The following CYP26A1 variants were observed in gnomAD, a reference collection of about 807,000 sequenced individuals.
The protein encoded by CYP26A1 is cytochrome P450 family 26 subfamily A member 1, also known as cytochrome P450 26A1.
A neutral mutation model predicts 47.4 loss-of-function variants in CYP26A1; 46 were observed. The ratio of observed to expected loss-of-function variants is 0.97; its 90% CI spans 0.77 to 1.24. The LOEUF is 1.24. Ranked by LOEUF, CYP26A1 falls within the 50% of genes most tolerant of loss-of-function variation. The pLI, the probability that CYP26A1 is intolerant of heterozygous loss-of-function variation, is 0.00. For missense variants in CYP26A1, 680 were observed against 644.4 expected, an observed-to-expected ratio of 1.06 and a Z score of -0.60; for synonymous variants, 277 against 263.7, an observed-to-expected ratio of 1.05 and a Z score of -0.49.
chr10:93,077,017 G>A lies in CYP26A1; in HGVS notation c.1207G>A (p.Asp403Asn). The change falls in exon 7 of 7, where the codon GAT (aspartate) becomes AAT (asparagine). Residue 403 changes from aspartate to asparagine, a missense_variant. Coordinates refer to ENST00000224356, the MANE Select transcript of CYP26A1 (RefSeq NM_000783.4). ...TATCTACAGTATCTGTGATACTCAT[G>A]ATGTGGCAGAGATCTTCACCAACAA... ...NVIYSICDTH[D>N]VAEIFTNKEE... is the part of the protein sequence containing the mutation. 6.2e-7 allele frequency: 1 copy of A among 1,613,852 alleles called. No individual in the cohort carries two copies. The highest frequency in any genetic ancestry group is 8.5e-7 in the Non-Finnish European group (1 of 1,179,742).
At chr10:93,073,676 C>A, upstream of CYP26A1, 1 of 520,750 alleles carries the variant, frequency 1.9e-6, no homozygotes, top group South Asian at 2.4e-5. Flanking sequence ...AGCCCCGCAC[C>A]CCAGGAGGCG....
chr10:93,076,661 G>C lies in CYP26A1; in HGVS notation c.1117G>C (p.Gly373Arg). The C allele has an allele frequency of 1.2e-6, 2 of 1,611,528 alleles. No individual in the cohort carries two copies. Among genetic ancestry groups the C allele is most frequent in the Non-Finnish European group, 1.7e-6 (2 of 1,178,108 alleles). Residue 373 changes from glycine (G) to arginine (R), a missense_variant, in exon 6 of 7, where the codon GGG (glycine) becomes CGG (arginine). Gly to Arg is a moderately radical substitution (Grantham distance 125, BLOSUM62 -2). Coordinates refer to ENST00000224356, the MANE Select transcript of CYP26A1 (RefSeq NM_000783.4). Reference protein sequence around the residue: ...TLRLNPPVPGGFRVALKTFEL... With the variant: ...TLRLNPPVPGRFRVALKTFEL... ...TCGACTGAATCCCCCAGTTCCAGGA[G>C]GGTTTCGGGTTGCTCTGAAGACTTT...
At chr10:93,073,644 A>G (rs1271644490), upstream of CYP26A1, 4 of 453,378 alleles carry the variant, frequency 8.8e-6, no homozygotes, top group African/African-American at 8.4e-5. Context: ...CACACCTTGG[A>G]TGGGGGAGGC....
At position 93,074,193 on chromosome 10, in the gene CYP26A1, C is replaced by CG; in HGVS notation, c.189+74dup. On this transcript the variant is annotated intron_variant, in intron 1 of 6. Transcript: ENST00000224356. This position sits in a 1 kb window ranked among gnomAD's most constrained non-coding sequence, Gnocchi z 5.3. ...CGCGGCTCTGGGCTTCTGCTGAAGTCGGGGTAGGCGCCCCCGGGAGGCATG... is the reference window on the plus strand; with the variant it reads ...CGCGGCTCTGGGCTTCTGCTGAAGTCGGGGGTAGGCGCCCCCGGGAGGCATG... 6.6e-7 allele frequency: 1 copy of CG among 1,514,820 alleles called. No individual in the cohort carries two copies. 93.8% of individuals were successfully genotyped at this position (1,514,820 alleles called of 1,614,324 possible).
chr10:93,074,027 C>A lies in CYP26A1; in HGVS notation c.93C>A (p.Tyr31Ter). ...FLAAIKLWDL[Y>*]CVSGRDRSCA... is the part of the protein sequence containing the mutation. ...CTGCGATCAAGCTCTGGGACCTGTACTGCGTGAGCGGCCGCGACCGCAGTT... is the reference window on the plus strand; with the variant it reads ...CTGCGATCAAGCTCTGGGACCTGTAATGCGTGAGCGGCCGCGACCGCAGTT... The change falls in exon 1 of 7, where the codon TAC (tyrosine) becomes TAA (stop). Residue 31 changes from tyrosine to a stop codon, truncating the protein, a stop_gained. Coordinates refer to ENST00000224356, the MANE Select transcript of CYP26A1 (RefSeq NM_000783.4). LOFTEE classifies it high-confidence loss of function. This position sits in a 1 kb window ranked among gnomAD's most constrained non-coding sequence, Gnocchi z 5.3. The A allele has an allele frequency of 6.2e-7, 1 of 1,606,552 alleles. No homozygotes were observed. The highest frequency in any genetic ancestry group is 8.5e-7 in the Non-Finnish European group (1 of 1,174,442).
upstream of CYP26A1, chr10:93,073,853 T>A: frequency 3.2e-6 from 2 of 626,254 alleles, no homozygotes; most frequent in Non-Finnish European, 5.6e-6. Context: ...GGCAGCAACC[T>A]GGGCCGCCTA....
rs2229104 is a variant in CYP26A1 at position 93,077,124 on chromosome 10, C to G, written c.1314C>G (p.Gly438=). ...SRFSFIPFGG[G]LRSCVGKEFA... is the part of the protein sequence containing the mutation. Reference sequence around the variant, plus strand: ...TCAGCTTCATTCCATTTGGAGGAGGCCTTAGGAGCTGTGTAGGCAAAGAAT... The same window carrying G: ...TCAGCTTCATTCCATTTGGAGGAGGGCTTAGGAGCTGTGTAGGCAAAGAAT... The change falls in exon 7 of 7, where the codon GGC becomes GGG. Residue 438 remains glycine (G), a synonymous_variant. Transcript: ENST00000224356. The G allele has an allele frequency of 1.3e-3, 2,130 of 1,614,154 alleles. 34 individuals are homozygous for G. The South Asian group carries it at 0.021, about 16-fold the overall frequency.
Position 93,074,228 on chromosome 10 carries a change from C to A in CYP26A1, c.190-80C>A. ...GCCCCCGGGAGGCATGCTATTGCGGCTAGGAGCAGGGCTGGCGGGAGCGCG... is the reference window on the plus strand; with the variant it reads ...GCCCCCGGGAGGCATGCTATTGCGGATAGGAGCAGGGCTGGCGGGAGCGCG... On this transcript the variant is annotated intron_variant, in intron 1 of 6. Coordinates refer to ENST00000224356, the MANE Select transcript of CYP26A1 (RefSeq NM_000783.4). This position sits in a 1 kb window ranked among gnomAD's most constrained non-coding sequence, Gnocchi z 5.3. 2 of 1,527,660 alleles carry A rather than the reference C, an allele frequency of 1.3e-6. No individual in the cohort carries two copies. The highest frequency in any genetic ancestry group is 1.8e-6 in the Non-Finnish European group (2 of 1,123,662). 94.6% of individuals were successfully genotyped at this position (1,527,660 alleles called of 1,614,324 possible).
chr10:93,076,544 G>C lies in CYP26A1; in HGVS notation c.1000G>C (p.Gly334Arg). 1 of 1,602,772 alleles carries C rather than the reference G, an allele frequency of 6.2e-7. No individual in the cohort carries two copies. Among genetic ancestry groups the C allele is most frequent in the Non-Finnish European group, 8.5e-7 (1 of 1,172,064 alleles). Residue 334 changes from glycine to arginine, a missense_variant and splice_region_variant, in exon 6 of 7, where the codon GGT becomes CGT. Physicochemically the swap from Gly to Arg is moderately radical, Grantham distance 125 (BLOSUM62 -2). Coordinates refer to ENST00000224356, the MANE Select transcript of CYP26A1 (RefSeq NM_000783.4). ...CACCTCTGTATGACTGTTTTGATAG[G>C]GTTTACTTTGCAAGAGCAATCAAGA... ...QKVREELKSK[G>R]LLCKSNQDNK...
rs756806536 is a variant in CYP26A1 at position 93,073,976 on chromosome 10, C to T, written c.42C>T (p.Phe14=). 67 of 1,454,544 alleles carry T rather than the reference C, an allele frequency of 4.6e-5. No individual in the cohort carries two copies. The highest frequency in any genetic ancestry group is 6.2e-5 in the Non-Finnish European group (64 of 1,037,866). The allele number at this position is 1,454,544 out of a possible 1,614,324, so 90.1% of individuals were successfully genotyped here. A position where few individuals can be genotyped will look rare whatever the true frequency, so the allele number is the denominator to read the frequency against. Residue 14 remains phenylalanine (F), a synonymous_variant, in exon 1 of 7, where the codon TTC becomes TTT. Coordinates refer to ENST00000224356, the MANE Select transcript of CYP26A1 (RefSeq NM_000783.4). The part of the protein sequence containing the change: ...PALLASALCT[F]VLPLLLFLAA... ...TGCTGGCCAGTGCGCTCTGCACCTT[C>T]GTGCTGCCGCTGCTGCTCTTCCTGG... is the stretch of plus-strand genomic sequence containing the variant.
intron 5 of CYP26A1, 34 bp downstream of exon 5, chr10:93,075,994 G>A (rs773819065): frequency 1.3e-6 from 2 of 1,582,300 alleles, no homozygotes; most frequent in Non-Finnish European, 1.7e-6. Context: ...GTCCTTATTA[G>A]CTTAGGAAAT....
chr10:93,074,973 C>T lies in CYP26A1; in HGVS notation c.609C>T (p.Asp203=). The T allele has an allele frequency of 6.2e-7, 1 of 1,613,134 alleles. No homozygotes were observed. Among genetic ancestry groups the T allele is most frequent in the Non-Finnish European group, 8.5e-7 (1 of 1,180,018 alleles). Residue 203 remains aspartate, a synonymous_variant, in exon 3 of 7, where the codon GAC becomes GAT. Transcript: ENST00000224356. This position sits in a 1 kb window ranked among gnomAD's most constrained non-coding sequence, Gnocchi z 5.3. The part of the protein sequence containing the change: ...LLGCEPQLAG[D]GDSEQQLVEA... ...GCTGCGAACCCCAACTGGCGGGCGA[C>T]GGGGACTCCGAGCAGCAGCTTGTGG...
At chr10:93,075,739 C>G (rs1451370555) in intron 4 of CYP26A1, 87 bp from the exon 5 acceptor site, 1 of 1,030,308 alleles carries the variant, frequency 9.7e-7, no homozygotes, top group Non-Finnish European at 1.5e-6. Flanking sequence ...CTAGTCTTCC[C>G]TCCAGAACTC....
Position 93,076,678 on chromosome 10 carries a change from G to A in CYP26A1, c.1134G>A (p.Leu378=), listed in dbSNP as rs35768328. 6.2e-7 allele frequency: 1 copy of A among 1,604,340 alleles called. No homozygotes were observed. ...TTCCAGGAGGGTTTCGGGTTGCTCTGAAGACTTTTGAATTAAATGTAAGTT... is the reference window on the plus strand; with the variant it reads ...TTCCAGGAGGGTTTCGGGTTGCTCTAAAGACTTTTGAATTAAATGTAAGTT... ...PPVPGGFRVA[L]KTFELNGYQI... The change falls in exon 6 of 7, where the codon CTG becomes CTA. Residue 378 remains leucine (L), a synonymous_variant. Transcript: ENST00000224356.
chr10:93,073,841 T>C, upstream of CYP26A1: 1 of 611,270 alleles, frequency 1.6e-6, no homozygotes, highest in South Asian at 1.9e-5. Flanking sequence ...CAAGGTAACG[T>C]GGGCAGCAAC....
chr10:93,074,621 G>C lies in CYP26A1; in HGVS notation c.414+89G>C, dbSNP rs1835192190. On this transcript the variant is annotated intron_variant, in intron 2 of 6. Transcript: ENST00000224356. The surrounding 1 kb of genome is among the most constrained non-coding windows in gnomAD (Gnocchi z 5.3). ...GATGGATGCTAGGCGCGGGCTAGCA[G>C]CTTGAGGTGGGCTAGGACCCTCTGC... The C allele has an allele frequency of 9.2e-7, 1 of 1,086,946 alleles. No individual in the cohort carries two copies. Among genetic ancestry groups the C allele is most frequent in the Admixed American group, 1.7e-5 (1 of 58,316 alleles). 67.3% of individuals were successfully genotyped at this position (1,086,946 alleles called of 1,614,324 possible).
chr10:93,074,811 C>G lies in CYP26A1; in HGVS notation c.447C>G (p.Leu149=), dbSNP rs35355587. The part of the protein sequence containing the change: ...VIMRAFSREA[L]ECYVPVITEE... ...TGCGGGCCTTCAGCCGCGAGGCACTCGAATGCTACGTGCCGGTGATCACCG... is the reference window on the plus strand; with the variant it reads ...TGCGGGCCTTCAGCCGCGAGGCACTGGAATGCTACGTGCCGGTGATCACCG... The change falls in exon 3 of 7, where the codon CTC becomes CTG. Residue 149 remains leucine (L), a synonymous_variant. Coordinates refer to ENST00000224356, the MANE Select transcript of CYP26A1 (RefSeq NM_000783.4). The surrounding 1 kb of genome is among the most constrained non-coding windows in gnomAD (Gnocchi z 5.3). 5.7e-3 allele frequency: 9,150 copies of G among 1,608,754 alleles called. 40 individuals are homozygous for G. Among genetic ancestry groups the G allele is most frequent in the Middle Eastern group, 0.016 (100 of 6,062 alleles).
intron 4 of CYP26A1, 127 bp from the exon 5 acceptor site, chr10:93,075,699 G>T (rs1846968952): frequency 2.8e-6 from 2 of 712,098 alleles, no homozygotes; most frequent in East Asian, 2.6e-5. Flanking sequence ...TGCTTTCCTT[G>T]ACTTTCTGTC....
At position 93,074,956 on chromosome 10, in the gene CYP26A1, C is replaced by A. The variant is rs757705329; in HGVS notation, c.592C>A (p.Pro198Thr). ...CATGCGCATCCTACTGGGCTGCGAACCCCAACTGGCGGGCGACGGGGACTC... is the reference window on the plus strand; with the variant it reads ...CATGCGCATCCTACTGGGCTGCGAAACCCAACTGGCGGGCGACGGGGACTC... Reference protein sequence around the residue: ...IAMRILLGCEPQLAGDGDSEQ... With the variant: ...IAMRILLGCETQLAGDGDSEQ... Residue 198 changes from proline to threonine, a missense_variant, in exon 3 of 7, where the codon CCC becomes ACC. Physicochemically the swap from Pro to Thr is conservative, Grantham distance 38. Coordinates refer to ENST00000224356, the MANE Select transcript of CYP26A1 (RefSeq NM_000783.4). This position sits in a 1 kb window ranked among gnomAD's most constrained non-coding sequence, Gnocchi z 5.3. 1.2e-6 allele frequency: 2 copies of A among 1,613,258 alleles called. No individual in the cohort carries two copies. The highest frequency in any genetic ancestry group is 2.2e-5 in the South Asian group (2 of 91,084).
Sources: allele counts gnomAD v4.1 joint callset, GRCh38; gene constraint gnomAD v4.1.1; non-coding constraint Gnocchi (gnomAD v3.1); transcripts MANE v1.5; gene names NCBI Gene and HGNC (gene_info 2026-07-23, HGNC 2026-07-21).